TMPO: variants seen among roughly 807,000 people sequenced by gnomAD.
The protein encoded by TMPO is LEM domain containing 4.
In TMPO, 22 loss-of-function variants were observed where a neutral mutation model predicts 45.4. That is an observed-to-expected ratio of 0.48 (90% confidence interval 0.35 to 0.69). The LOEUF (loss-of-function observed/expected upper bound fraction) is 0.69. Among genes scored for constraint, TMPO ranks in the 30% least tolerant of loss-of-function variants. The pLI, the probability that TMPO is intolerant of heterozygous loss-of-function variation, is 0.01. For missense variants in TMPO, 512 were observed against 548.8 expected, an observed-to-expected ratio of 0.93 and a Z score of 0.67; for synonymous variants, 241 against 204.1, an observed-to-expected ratio of 1.18 and a Z score of -1.54.
intron 2 of TMPO, among the ~76,000 whole-genome samples, chr12:98,531,455 G>A (rs1877185246): frequency 2.0e-5 from 3 of 151,326 alleles, no homozygotes; most frequent in South Asian, 4.2e-4. Context: ...GGCTGGTCTC[G>A]AACTCCTGAC....
At chr12:98,537,903 A>G (rs890152270) in intron 4 of TMPO, among the ~76,000 whole-genome samples, 1 of 152,182 alleles carries the variant, frequency 6.6e-6, no homozygotes, top group African/African-American at 2.4e-5. Flanking sequence ...AAGGCAATGG[A>G]AGGGTTTTAT....
chr12:98,524,632 CG>C (rs1358099718), intron 1 of TMPO, among the ~76,000 whole-genome samples: 3 of 151,840 alleles, frequency 2.0e-5, no homozygotes, highest in African/African-American at 7.3e-5. Context: ...CTTGCTCTAT[CG>C]CCCAGGCTGG....
chr12:98,533,832 G>A, intron 3 of TMPO: 2 of 1,614,172 alleles, frequency 1.2e-6, no homozygotes, highest in Non-Finnish European at 8.5e-7. Flanking sequence ...TTTCTTCCAG[G>A]GAGGCAACAC....
intron 2 of TMPO, among the ~76,000 whole-genome samples, chr12:98,528,552 C>T (rs1876955568): frequency 6.6e-6 from 1 of 151,018 alleles, no homozygotes; most frequent in African/African-American, 2.4e-5. Context: ...GCTGGGATTA[C>T]AGGTGTGAGC....
intron 1 of TMPO, among the ~76,000 whole-genome samples, chr12:98,527,119 C>T (rs1472923053): frequency 6.6e-6 from 1 of 151,630 alleles, no homozygotes; most frequent in African/African-American, 2.4e-5. Context: ...AATGTTAAGC[C>T]CAGTCTGGCT....
chr12:98,544,639 T>TC (rs1491480330), intron 6 of TMPO, 102 bp downstream of exon 6: 1 of 599,598 alleles, frequency 1.7e-6, no homozygotes, highest in African/African-American at 5.7e-5. Flanking sequence ...AATTTACATG[T>TC]TTTTTTTTTT....
chr12:98,528,619 A>G (rs187856866), intron 2 of TMPO, among the ~76,000 whole-genome samples: 3 of 150,954 alleles, frequency 2.0e-5, no homozygotes, highest in Admixed American at 1.3e-4. Context: ...TTGTATGACA[A>G]TTGAGGAAAA....
chr12:98,518,145 CAAAAAAAAAAA>C (rs35978276), intron 1 of TMPO, among the ~76,000 whole-genome samples: 1 of 98,318 alleles, frequency 1.0e-5, no homozygotes, highest in African/African-American at 3.3e-5. Context: ...GACTTCGTCT[CAAAAAAAAAAA>C]AAAAAAAAAG....
intron 8 of TMPO, among the ~76,000 whole-genome samples, chr12:98,546,940 T>C (rs1358941385): frequency 1.3e-5 from 2 of 152,222 alleles, no homozygotes; most frequent in African/African-American, 4.8e-5. Context: ...AATTTTTAAC[T>C]GAAAGAAACA....
At position 98,547,937 on chromosome 12, in the gene TMPO, T is replaced by G; in HGVS notation, c.*79T>G. ...AAAACATTTGTGTACACTTGTTGAC[T>G]CCAAGAACTAAAAATAATGTGATTT... On this transcript the variant is annotated 3_prime_UTR_variant, in exon 9 of 9. Transcript: ENST00000556029. The G allele has an allele frequency of 6.8e-7, 1 of 1,475,054 alleles. No homozygotes were observed. Among genetic ancestry groups the G allele is most frequent in the Non-Finnish European group, 9.3e-7 (1 of 1,071,572 alleles). The allele number at this position is 1,475,054 out of a possible 1,614,324, so 91.4% of individuals were successfully genotyped here.
chr12:98,536,896 T>C (rs1164314751), intron 3 of TMPO, among the ~76,000 whole-genome samples: 2 of 152,206 alleles, frequency 1.3e-5, no homozygotes, highest in African/African-American at 2.4e-5. Context: ...ACAAGATTCC[T>C]TCTTTACCTG....
At chr12:98,519,586 A>G (rs1876171905) in intron 1 of TMPO, among the ~76,000 whole-genome samples, 1 of 151,856 alleles carries the variant, frequency 6.6e-6, no homozygotes, top group Non-Finnish European at 1.5e-5. Context: ...TCATCCATAT[A>G]AAGAAAACTT....
At position 98,544,449 on chromosome 12, in the gene TMPO, C is replaced by T. The variant is rs754879705; in HGVS notation, c.791C>T (p.Thr264Ile). 12 of 1,613,830 alleles carry T rather than the reference C, an allele frequency of 7.4e-6. 1 individual carries two copies. The highest frequency in any genetic ancestry group is 3.3e-5 in the South Asian group (3 of 91,052). Reference protein sequence around the residue: ...SRRTPRKRVETSEHFRIDGPV... With the variant: ...SRRTPRKRVEISEHFRIDGPV... ...TTGTTTTCAAACTAACAGGTGGAAA[C>T]TTCAGAACATTTTCGTATAGATGGT... Residue 264 changes from threonine (T) to isoleucine (I), a missense_variant, in exon 6 of 9, where the codon ACT (threonine) becomes ATT (isoleucine). Physicochemically the swap from Thr to Ile is moderately conservative, Grantham distance 89. This residue lies in a region of TMPO where 209 missense variants were observed against 235.1 expected (regional missense o/e 0.89). Coordinates refer to ENST00000556029, the MANE Select transcript of TMPO (RefSeq NM_001032283.3).
intron 4 of TMPO, among the ~76,000 whole-genome samples, chr12:98,542,141 A>T (rs1877950128): frequency 6.6e-6 from 1 of 152,194 alleles, no homozygotes; most frequent in Non-Finnish European, 1.5e-5. Context: ...TTGCCAGTTT[A>T]TCTTGGGGAA....
chr12:98,546,797 G>A (rs1878252398), intron 8 of TMPO, among the ~76,000 whole-genome samples: 1 of 152,100 alleles, frequency 6.6e-6, no homozygotes, highest in African/African-American at 2.4e-5. Flanking sequence ...ATTGGTAAAT[G>A]GAGGATTTTA....
At chr12:98,519,989 T>G (rs1216230616) in intron 1 of TMPO, among the ~76,000 whole-genome samples, 1 of 152,090 alleles carries the variant, frequency 6.6e-6, no homozygotes, top group Non-Finnish European at 1.5e-5. Flanking sequence ...AGATGGAGTC[T>G]TGCTCTGTCA....
chr12:98,543,579 G>T lies in TMPO; in HGVS notation c.664-651G>T, dbSNP rs189503725. ...TGAGGCAGCTGTTTTCTGTCTTTCT[G>T]TAGTGACATGGATAGCATTGAGATT... On this transcript the variant is annotated intron_variant, in intron 4 of 8. Transcript: ENST00000556029. 9.8e-5 allele frequency among the ~76,000 whole-genome samples: 15 copies of T among 152,296 alleles called. No individual in the cohort carries two copies. In the East Asian group the frequency reaches 2.5e-3, roughly 25 times the overall value.
chr12:98,533,844 G>C, intron 3 of TMPO: 1 of 1,614,210 alleles, frequency 6.2e-7, no homozygotes, highest in South Asian at 1.1e-5. Flanking sequence ...AGGCAACACA[G>C]ATATTATCAG....
At chr12:98,533,424 G>T (rs1308280644) in intron 3 of TMPO, 1 of 1,614,134 alleles carries the variant, frequency 6.2e-7, no homozygotes, top group East Asian at 2.2e-5. Flanking sequence ...TCCAGGGTGG[G>T]GTAGGTAGTT....
Sources: allele counts gnomAD v4.1 joint callset (sites outside exome capture counted in the v4.1 genomes callset), GRCh38; gene constraint gnomAD v4.1.1; regional missense constraint gnomAD v4.1.1; transcripts MANE v1.5; gene names NCBI Gene and HGNC (gene_info 2026-07-23, HGNC 2026-07-21).